The following PALLD variants were observed in gnomAD, a reference collection of about 807,000 sequenced individuals.
The protein encoded by PALLD is palladin, cytoskeletal associated protein, also known as palladin.
Under a neutral mutation model 123.5 loss-of-function variants are expected in PALLD, and 61 were observed. That is an observed-to-expected ratio of 0.49 (90% CI 0.40 to 0.61). The LOEUF (loss-of-function observed/expected upper bound fraction) is 0.61. Ranked by LOEUF, PALLD falls within the 20% of genes least tolerant of loss-of-function variation. The pLI, the probability that PALLD is intolerant of heterozygous loss-of-function variation, is 0.00. For synonymous variants in PALLD, 465 were observed against 496.4 expected, an observed-to-expected ratio of 0.94 and a Z score of 0.84; for missense variants, 1,273 against 1,377.0, an observed-to-expected ratio of 0.92 and a Z score of 1.20.
chr4:168,681,127 A>G (rs1183744600), intron 3 of PALLD, among the ~76,000 whole-genome samples: 1 of 152,230 alleles, frequency 6.6e-6, no homozygotes, highest in Non-Finnish European at 1.5e-5. Flanking sequence ...GAAGAAAGCT[A>G]TTTATAGTAG....
At chr4:168,849,168 T>C (rs1403520289) in intron 10 of PALLD, among the ~76,000 whole-genome samples, 2 of 152,246 alleles carry the variant, frequency 1.3e-5, no homozygotes, top group Admixed American at 6.5e-5. Context: ...CTTTTGTCTT[T>C]AACTTTCCTT....
intron 10 of PALLD, among the ~76,000 whole-genome samples, chr4:168,804,772 C>A (rs1454125284): frequency 6.6e-6 from 1 of 152,184 alleles, no homozygotes; most frequent in Non-Finnish European, 1.5e-5. Context: ...TTGTTCTTTT[C>A]ACCACAAGAG....
At chr4:168,693,671 G>T (rs1194854092) in intron 8 of PALLD, among the ~76,000 whole-genome samples, 2 of 152,122 alleles carry the variant, frequency 1.3e-5, no homozygotes, top group African/African-American at 4.8e-5. Flanking sequence ...TAGCAAATCT[G>T]TCAATACACC....
Position 168,744,452 on chromosome 4 carries a change from G to T in PALLD, c.1964+32529G>T, listed in dbSNP as rs1788662076. On this transcript the variant is annotated intron_variant, in intron 10 of 21. Coordinates refer to ENST00000505667, the MANE Select transcript of PALLD (RefSeq NM_001166108.2). ...TTACTCTCTGTGTCTCTAGGCTATA[G>T]AGCAGAACAAAACAGAGCCAAGACA... Among the ~76,000 whole-genome samples, 5 of 151,962 alleles carry T rather than the reference G, an allele frequency of 3.3e-5. No individual in the cohort carries two copies. In the South Asian group the frequency reaches 1.0e-3, roughly 32 times the overall value.
intron 10 of PALLD, among the ~76,000 whole-genome samples, chr4:168,870,848 A>G (rs1750980225): frequency 6.6e-6 from 1 of 152,238 alleles, no homozygotes; most frequent in African/African-American, 2.4e-5. Context: ...AACCTGCATG[A>G]TAGTGGCTTT....
chr4:168,777,103 T>TAC (rs112829388), intron 10 of PALLD, among the ~76,000 whole-genome samples: 15 of 150,430 alleles, frequency 1.0e-4, no homozygotes, highest in South Asian at 2.1e-4. Flanking sequence ...CACACACATA[T>TAC]ACACACACAC....
At chr4:168,566,460 G>A (rs1580345880) in intron 2 of PALLD, among the ~76,000 whole-genome samples, 2 of 152,000 alleles carry the variant, frequency 1.3e-5, no homozygotes, top group Non-Finnish European at 2.9e-5. Context: ...ACCAAGCCCG[G>A]CTAATTTTTT....
At position 168,891,753 on chromosome 4, in the gene PALLD, G is replaced by A. The variant is rs559770706; in HGVS notation, c.2100+696G>A. On this transcript the variant is annotated intron_variant, in intron 11 of 21. Transcript: ENST00000505667. ...GGTTGGGGAGGGATGGAGAAGGTGC[G>A]CTTTGGAATGGTTTGTATCTACCCA... 4.0e-4 allele frequency among the ~76,000 whole-genome samples: 60 copies of A among 151,546 alleles called. 1 individual carries two copies. Among genetic ancestry groups the A allele is most frequent in the African/African-American group, 1.4e-3 (57 of 41,318 alleles).
chr4:168,626,745 T>C (rs943614898), intron 2 of PALLD, among the ~76,000 whole-genome samples: 3 of 149,014 alleles, frequency 2.0e-5, no homozygotes, highest in South Asian at 2.1e-4. Flanking sequence ...AAATGTGGTA[T>C]AGACATACAA....
intron 10 of PALLD, among the ~76,000 whole-genome samples, chr4:168,842,745 C>G (rs1366335255): frequency 6.6e-6 from 1 of 152,194 alleles, no homozygotes; most frequent in Non-Finnish European, 1.5e-5. Context: ...ATCCAGTTCT[C>G]TCTATCTGCT....
At chr4:168,648,378 G>GTAA (rs942186569) in intron 2 of PALLD, 3 of 152,178 alleles carry the variant, frequency 2.0e-5, no homozygotes, top group African/African-American at 7.2e-5. Context: ...AATGGGTCAT[G>GTAA]TTACTGTAGA....
chr4:168,794,506 G>GCGCA lies in PALLD; in HGVS notation c.1964+82584_1964+82585insGCAC, dbSNP rs61011663. ...CACACACATGCACGCACACACACAC[G>GCGCA]CACACACACACACACACACACACAC... On this transcript the variant is annotated intron_variant, in intron 10 of 21. Coordinates refer to ENST00000505667, the MANE Select transcript of PALLD (RefSeq NM_001166108.2). Among the ~76,000 whole-genome samples, 968 of 143,938 alleles carry GCGCA rather than the reference G, an allele frequency of 6.7e-3. 6 individuals carry two copies. The highest frequency in any genetic ancestry group is 0.018 in the African/African-American group (691 of 38,106). The allele number at this position is 143,938 out of a possible 152,430, so 94.4% of individuals were successfully genotyped here.
rs541381794 is a variant in PALLD at position 168,805,415 on chromosome 4, G to T, written c.1965-85507G>T. Among the ~76,000 whole-genome samples, 9 of 152,262 alleles carry T rather than the reference G, an allele frequency of 5.9e-5. No homozygotes were observed. The South Asian group carries it at 8.3e-4, about 14-fold the overall frequency. On this transcript the variant is annotated intron_variant, in intron 10 of 21. Coordinates refer to ENST00000505667, the MANE Select transcript of PALLD (RefSeq NM_001166108.2). ...AGAAGGACATAAGAGAAGAGAGAAAGTAAAACTATTTAAGGAATTTTTTTC... is the reference window on the plus strand; with the variant it reads ...AGAAGGACATAAGAGAAGAGAGAAATTAAAACTATTTAAGGAATTTTTTTC...
rs551858594 is a variant in PALLD, at chr4:168,787,885, A to T, written c.1964+75962A>T. Among the ~76,000 whole-genome samples, 3 of 152,294 alleles carry T rather than the reference A, an allele frequency of 2.0e-5. No homozygotes were observed. The South Asian group carries it at 6.2e-4, about 32-fold the overall frequency. On this transcript the variant is annotated intron_variant, in intron 10 of 21. Transcript: ENST00000505667. ...ATCAAAGGGCCAACATTACACACTT[A>T]TGTATGTTTATATAAATTTGGTTAA...
At chr4:168,574,935 T>C (rs575241698) in intron 2 of PALLD, among the ~76,000 whole-genome samples, 2 of 152,078 alleles carry the variant, frequency 1.3e-5, no homozygotes, top group Non-Finnish European at 2.9e-5. Context: ...AAATGAGAGA[T>C]CAACATTCAC....
At chr4:168,821,133 G>T (rs1353682453) in intron 10 of PALLD, among the ~76,000 whole-genome samples, 2 of 152,156 alleles carry the variant, frequency 1.3e-5, no homozygotes, top group Non-Finnish European at 2.9e-5. Flanking sequence ...CACAGTGAGG[G>T]TATTTAGTTG....
intron 10 of PALLD, among the ~76,000 whole-genome samples, chr4:168,852,629 T>A (rs1747970387): frequency 6.6e-6 from 1 of 152,062 alleles, no homozygotes; most frequent in Non-Finnish European, 1.5e-5. Context: ...GGCAACAGAG[T>A]GAGACCCTGT....
chr4:168,819,804 T>C lies in PALLD; in HGVS notation c.1965-71118T>C, dbSNP rs1039786731. Among the ~76,000 whole-genome samples the C allele has an allele frequency of 2.0e-5, 3 of 152,388 alleles. No homozygotes were observed. The South Asian group carries it at 6.2e-4, about 32-fold the overall frequency. On this transcript the variant is annotated intron_variant, in intron 10 of 21. Coordinates refer to ENST00000505667, the MANE Select transcript of PALLD (RefSeq NM_001166108.2). ...TATATATTTATAGAATTTCCTGTGA[T>C]GGCTTATAATAACTATTGAGTAATC...
At chr4:168,872,994 A>G (rs868012595) in intron 10 of PALLD, among the ~76,000 whole-genome samples, 2 of 152,326 alleles carry the variant, frequency 1.3e-5, no homozygotes, top group Middle Eastern at 3.4e-3. Flanking sequence ...TATGATACTG[A>G]GCTAATCTTA....
Sources: allele counts gnomAD v4.1 joint callset (sites outside exome capture counted in the v4.1 genomes callset), GRCh38; gene constraint gnomAD v4.1.1; transcripts MANE v1.5; gene names NCBI Gene and HGNC (gene_info 2026-07-23, HGNC 2026-07-21).